PEX5L: variants seen among roughly 807,000 people sequenced by gnomAD.
The protein encoded by PEX5L is peroxisomal biogenesis factor 5 like.
A neutral mutation model predicts 84.0 loss-of-function variants in PEX5L; 30 were observed. The ratio of observed to expected loss-of-function variants is 0.36; its 90% CI spans 0.27 to 0.48. PEX5L has a LOEUF of 0.48. PEX5L is among the 20% of genes least tolerant of loss of function. The probability of loss-of-function intolerance (pLI) is 0.99; values close to 1 mark genes in which losing one functional copy is unlikely to be tolerated. For synonymous variants in PEX5L, 270 were observed against 283.1 expected (o/e 0.95, Z 0.46); for missense variants, 533 against 754.6 (o/e 0.71, Z 3.44).
At position 179,951,733 on chromosome 3, in the gene PEX5L, C is replaced by T. The variant is rs79251843; in HGVS notation, c.93+19861G>A. 7.1e-3 allele frequency among the ~76,000 whole-genome samples: 1,074 copies of T among 152,142 alleles called. 14 individuals are homozygous for T. The highest frequency in any genetic ancestry group is 0.025 in the African/African-American group (1,021 of 41,506). ...GACAGAAATAAACTGCTGTTTTGTT[C>T]AAGCCACTTTGTTTATATATGAATT... On this transcript the variant is annotated intron_variant, in intron 2 of 14. Coordinates refer to ENST00000467460, the MANE Select transcript of PEX5L (RefSeq NM_016559.3).
At chr3:180,002,397 A>G (rs1788505016) in intron 1 of PEX5L, among the ~76,000 whole-genome samples, 1 of 152,140 alleles carries the variant, frequency 6.6e-6, no homozygotes, top group Admixed American at 6.5e-5. Flanking sequence ...AGGTATTATT[A>G]CTTTAAAAAT....
intron 1 of PEX5L, among the ~76,000 whole-genome samples, chr3:180,020,274 A>T (rs1790314600): frequency 6.6e-6 from 1 of 152,142 alleles, no homozygotes; most frequent in South Asian, 2.1e-4. Flanking sequence ...AAAATATTAG[A>T]ACTAAGTAGA....
intron 2 of PEX5L, among the ~76,000 whole-genome samples, chr3:179,915,435 G>C (rs558843724): frequency 2.8e-4 from 42 of 152,292 alleles, no homozygotes; most frequent in African/African-American, 9.6e-4. Context: ...CATGCCTTAA[G>C]GAAGAACTAG....
chr3:179,994,206 G>C (rs930674835), intron 1 of PEX5L, among the ~76,000 whole-genome samples: 3 of 152,152 alleles, frequency 2.0e-5, no homozygotes, highest in African/African-American at 7.2e-5. Context: ...TTCCAGACCA[G>C]AAGAATCACC....
At chr3:180,010,174 T>C (rs1273321766) in intron 1 of PEX5L, among the ~76,000 whole-genome samples, 1 of 151,618 alleles carries the variant, frequency 6.6e-6, no homozygotes, top group Non-Finnish European at 1.5e-5. Context: ...CTCAATCTCC[T>C]GACCGTGTGA....
At chr3:179,903,457 T>C (rs987834151) in intron 2 of PEX5L, among the ~76,000 whole-genome samples, 3 of 152,198 alleles carry the variant, frequency 2.0e-5, no homozygotes, top group African/African-American at 7.2e-5. Context: ...CTCAAACTCC[T>C]GGGCTCAAGC....
At position 179,952,532 on chromosome 3, in the gene PEX5L, C is replaced by T. The variant is rs368834455; in HGVS notation, c.93+19062G>A. On this transcript the variant is annotated intron_variant, in intron 2 of 14. Transcript: ENST00000467460. ...CAATGACCCTTTTGAAAACAGCATA[C>T]ATCGTATCTATTCAACAATGATCTC... Among the ~76,000 whole-genome samples, 78 of 152,180 alleles carry T rather than the reference C, an allele frequency of 5.1e-4. No homozygotes were observed. The South Asian group carries it at 0.015, about 30-fold the overall frequency.
intron 2 of PEX5L, among the ~76,000 whole-genome samples, chr3:179,937,896 G>A (rs1243612392): frequency 1.3e-5 from 2 of 151,996 alleles, no homozygotes; most frequent in Non-Finnish European, 2.9e-5. Flanking sequence ...TCCTCATCTG[G>A]AAAGTGGGGT....
In PEX5L at chr3:179,961,189, T is replaced by TTGTG. The variant is rs1491302387; in HGVS notation, c.93+10401_93+10404dup. Reference sequence around the variant, plus strand: ...AATAACAATTGTATTGAATGATCACTTGTGTATGTGTATGTGTGTGTGTGT... The same window carrying TTGTG: ...AATAACAATTGTATTGAATGATCACTTGTGTGTGTATGTGTATGTGTGTGTGTGT... On this transcript the variant is annotated intron_variant, in intron 2 of 14. Transcript: ENST00000467460. Among the ~76,000 whole-genome samples the TTGTG allele has an allele frequency of 6.0e-4, 87 of 144,842 alleles. 1 individual carries two copies. The highest frequency in any genetic ancestry group is 2.2e-3 in the African/African-American group (86 of 39,694).
At chr3:179,832,517 C>A (rs1577377324) in intron 8 of PEX5L, among the ~76,000 whole-genome samples, 2 of 144,746 alleles carry the variant, frequency 1.4e-5, no homozygotes, top group Admixed American at 1.4e-4. Flanking sequence ...CTCACCTACC[C>A]ACCTACCCAC....
intron 1 of PEX5L, among the ~76,000 whole-genome samples, chr3:180,021,382 C>A (rs1343997647): frequency 6.6e-6 from 1 of 152,118 alleles, no homozygotes; most frequent in African/African-American, 2.4e-5. Context: ...CTTCAGTGTG[C>A]ATTAAGTTCA....
intron 1 of PEX5L, among the ~76,000 whole-genome samples, chr3:179,975,531 AATAAAT>A (rs1252584385): frequency 6.6e-6 from 1 of 152,218 alleles, no homozygotes; most frequent in Non-Finnish European, 1.5e-5. Flanking sequence ...CAGATGTCAA[AATAAAT>A]ATAAAGGTTT....
At chr3:179,905,994 T>G (rs1483929110) in intron 2 of PEX5L, among the ~76,000 whole-genome samples, 2 of 152,228 alleles carry the variant, frequency 1.3e-5, no homozygotes, top group Non-Finnish European at 2.9e-5. Context: ...AAGGTGATTT[T>G]GAATTAGATG....
chr3:179,858,888 A>G (rs920614139), intron 8 of PEX5L, among the ~76,000 whole-genome samples, 174 bp downstream of exon 8: 2 of 152,212 alleles, frequency 1.3e-5, no homozygotes, highest in Non-Finnish European at 2.9e-5. Flanking sequence ...TCTCTGGTAC[A>G]TTGATTATAC....
intron 2 of PEX5L, among the ~76,000 whole-genome samples, chr3:179,913,457 C>T (rs1765888902): frequency 6.6e-6 from 1 of 151,980 alleles, no homozygotes; most frequent in Admixed American, 6.6e-5. Context: ...AAAACTTAAC[C>T]TAATCTGTTG....
chr3:179,829,105 A>G (rs1731674187), intron 8 of PEX5L, among the ~76,000 whole-genome samples: 1 of 152,256 alleles, frequency 6.6e-6, no homozygotes, highest in Non-Finnish European at 1.5e-5. Context: ...AGAGTAGACA[A>G]AGACTGGAAG....
chr3:179,924,944 A>G lies in PEX5L; in HGVS notation c.94-26698T>C, dbSNP rs576164704. 2.6e-5 allele frequency among the ~76,000 whole-genome samples: 4 copies of G among 152,306 alleles called. 1 individual carries two copies. Among genetic ancestry groups the G allele is most frequent in the African/African-American group, 9.6e-5 (4 of 41,560 alleles). ...GCAATCAAACAAATATAATAAGATT[A>G]TTTATTTATCACTTTCATCTTAGAT... On this transcript the variant is annotated intron_variant, in intron 2 of 14. Coordinates refer to ENST00000467460, the MANE Select transcript of PEX5L (RefSeq NM_016559.3).
intron 1 of PEX5L, among the ~76,000 whole-genome samples, chr3:179,972,480 T>C (rs1353865828): frequency 2.0e-5 from 3 of 152,128 alleles, no homozygotes; most frequent in Non-Finnish European, 4.4e-5. Context: ...TTGATGAGAA[T>C]ACTAGAAATG....
At chr3:179,813,611 C>T (rs1336704776) in intron 10 of PEX5L, among the ~76,000 whole-genome samples, 4 of 152,068 alleles carry the variant, frequency 2.6e-5, no homozygotes, top group African/African-American at 9.7e-5. Flanking sequence ...GATTCTCCCA[C>T]CTCAGCCTCC....
Sources: allele counts gnomAD v4.1 joint callset (sites outside exome capture counted in the v4.1 genomes callset), GRCh38; gene constraint gnomAD v4.1.1; transcripts MANE v1.5; gene names NCBI Gene and HGNC (gene_info 2026-07-23, HGNC 2026-07-21).